ABRAXAS1: variants seen among roughly 807,000 people sequenced by gnomAD.
The protein encoded by ABRAXAS1 is abraxas 1, BRCA1 A complex subunit.
A neutral mutation model predicts 38.4 loss-of-function variants in ABRAXAS1; 26 were observed. The observed-to-expected ratio is 0.68, with a 90% confidence interval of 0.50 to 0.94. The LOEUF (loss-of-function observed/expected upper bound fraction) is 0.94. ABRAXAS1 is among the 40% of genes least tolerant of loss of function. The probability of loss-of-function intolerance (pLI) is 0.00; values close to 1 mark genes in which losing one functional copy is unlikely to be tolerated. For synonymous variants in ABRAXAS1, 144 were observed against 165.5 expected, an observed-to-expected ratio of 0.87 and a Z score of 1.00; for missense variants, 438 against 481.9, an observed-to-expected ratio of 0.91 and a Z score of 0.85.
Position 83,479,677 on chromosome 4 carries a change from G to A in ABRAXAS1, c.178+2477C>T, listed in dbSNP as rs373218462. 15 of 152,348 alleles carry A rather than the reference G, an allele frequency of 9.8e-5. 1 individual carries two copies. The highest frequency in any genetic ancestry group is 8.5e-4 in the Admixed American group (13 of 15,290). 9.4% of individuals were successfully genotyped at this position (152,348 alleles called of 1,614,324 possible). A position where few individuals can be genotyped will look rare whatever the true frequency, so the allele number is the denominator to read the frequency against. On this transcript the variant is annotated intron_variant, in intron 2 of 8. Coordinates refer to ENST00000321945, the MANE Select transcript of ABRAXAS1 (RefSeq NM_139076.3). ...ACAGGATATATGCAGCCAGCAGAAA[G>A]AATGATGGGCCGAGTATGGTGGCTC...
intron 8 of ABRAXAS1, 74 bp downstream of exon 8, chr4:83,463,420 G>T: frequency 9.0e-7 from 1 of 1,106,310 alleles, no homozygotes; most frequent in African/African-American, 1.6e-5. Context: ...GCGACAGAGC[G>T]AGACTCCGTC....
chr4:83,463,780 G>T, intron 7 of ABRAXAS1, 172 bp from the exon 8 acceptor site: 1 of 406,780 alleles, frequency 2.5e-6, no homozygotes, highest in Non-Finnish European at 4.3e-6. Context: ...GCACTTGTAG[G>T]TTATAAATAA....
At chr4:83,472,381 A>G in intron 3 of ABRAXAS1, 93 bp from the exon 4 acceptor site, 1 of 679,628 alleles carries the variant, frequency 1.5e-6, no homozygotes, top group Non-Finnish European at 2.3e-6. Flanking sequence ...TAACCCAACT[A>G]CCAAAGCCCA....
At chr4:83,484,880 G>A (rs1723126162) in intron 1 of ABRAXAS1, 106 bp downstream of exon 1, 9 of 918,614 alleles carry the variant, frequency 9.8e-6, no homozygotes, top group Non-Finnish European at 1.4e-5. Flanking sequence ...GAGGAGGCGC[G>A]GCGGCGTCGG....
Position 83,461,425 on chromosome 4 carries a change from A to G in ABRAXAS1, c.*1044T>C, listed in dbSNP as rs770052837. 3 of 487,702 alleles carry G rather than the reference A, an allele frequency of 6.2e-6. No individual in the cohort carries two copies. The highest frequency in any genetic ancestry group is 1.1e-5 in the Non-Finnish European group (3 of 267,440). The allele number at this position is 487,702 out of a possible 1,614,324, so 30.2% of individuals were successfully genotyped here. On this transcript the variant is annotated 3_prime_UTR_variant, in exon 9 of 9. Transcript: ENST00000321945. ...GTGGTTCTGTGTGATTGTCATTTAT[A>G]TCTGATCCCCAAATAGCTCATACAA...
intron 2 of ABRAXAS1, chr4:83,480,329 G>A (rs1722950002): frequency 2.5e-6 from 1 of 400,274 alleles, no homozygotes. Flanking sequence ...CCGAGATCAT[G>A]CCACTTCACT....
rs745494968 is a variant in ABRAXAS1, at chr4:83,485,010, C to T, written c.63G>A (p.Gln21=). ...CCGTGTCCGAGTCCGTGTTGAGGTGCTGGAAAGCGAGTGCGCCGAGCACAA... is the reference window on the plus strand; with the variant it reads ...CCGTGTCCGAGTCCGTGTTGAGGTGTTGGAAAGCGAGTGCGCCGAGCACAA... ...SGFVLGALAF[Q]HLNTDSDTEG... The change falls in exon 1 of 9, where the codon CAG becomes CAA. Residue 21 remains glutamine (Q), a synonymous_variant. Transcript: ENST00000321945. 1.3e-4 allele frequency: 208 copies of T among 1,594,950 alleles called. 2 individuals carry two copies. Among genetic ancestry groups the T allele is most frequent in the Admixed American group, 7.7e-4 (45 of 58,672 alleles).
intron 3 of ABRAXAS1, among the ~76,000 whole-genome samples, chr4:83,475,017 G>A (rs149135403): frequency 8.5e-5 from 13 of 152,142 alleles, no homozygotes; most frequent in African/African-American, 1.2e-4. Context: ...TTTCCACCCC[G>A]CTTTAATCCT....
chr4:83,477,312 G>A (rs1318192848), intron 2 of ABRAXAS1, among the ~76,000 whole-genome samples: 1 of 151,946 alleles, frequency 6.6e-6, no homozygotes, highest in Non-Finnish European at 1.5e-5. Context: ...GAAAAAAAAT[G>A]CTCTAAGGGC....
At chr4:83,474,712 CAAAA>C (rs34119977) in intron 3 of ABRAXAS1, among the ~76,000 whole-genome samples, 2 of 100,618 alleles carry the variant, frequency 2.0e-5, no homozygotes, top group Admixed American at 1.1e-4. Context: ...GACTCTGTCT[CAAAA>C]AAAAAAAAAA....
chr4:83,475,921 G>A (rs912102314), intron 3 of ABRAXAS1, among the ~76,000 whole-genome samples: 5 of 152,240 alleles, frequency 3.3e-5, no homozygotes, highest in African/African-American at 9.6e-5. Flanking sequence ...AACATAACCA[G>A]TTGAGTGCAA....
intron 2 of ABRAXAS1, chr4:83,480,266 G>A (rs917938081): frequency 4.3e-5 from 14 of 328,010 alleles, no homozygotes; most frequent in East Asian, 3.5e-4. Context: ...CAGCTACTCC[G>A]GAGGCCGAGG....
chr4:83,465,250 C>G (rs2110035464), intron 7 of ABRAXAS1, among the ~76,000 whole-genome samples: 1 of 128,820 alleles, frequency 7.8e-6, no homozygotes, highest in East Asian at 2.6e-4. Flanking sequence ...GAGCCAAGAT[C>G]ATGCCATTCA....
chr4:83,462,983 A>C, intron 8 of ABRAXAS1, 81 bp from the exon 9 acceptor site: 1 of 967,732 alleles, frequency 1.0e-6, no homozygotes, highest in Non-Finnish European at 1.5e-6. Context: ...AAGTAAAATT[A>C]AGTCAAAAAG....
In ABRAXAS1 at chr4:83,476,660, T is replaced by C. The variant is rs1466488893; in HGVS notation, c.198A>G (p.Pro66=). 1 of 1,568,738 alleles carries C rather than the reference T, an allele frequency of 6.4e-7. No individual in the cohort carries two copies. The highest frequency in any genetic ancestry group is 1.7e-5 in the Admixed American group (1 of 59,820). ...VYTIDIQKYI[P]CYQLFSFYNS... ...CTACTTACCTAAAAAGCTGATAGCA[T>C]GGAATATATTTCTGAATGTCTGGAA... The change falls in exon 3 of 9, where the codon CCA becomes CCG. Residue 66 remains proline, a synonymous_variant. Transcript: ENST00000321945.
Position 83,463,520 on chromosome 4 carries a change from C to A in ABRAXAS1, c.770G>T (p.Arg257Met), listed in dbSNP as rs750850603. Residue 257 changes from arginine to methionine, a missense_variant, in exon 8 of 9, where the codon AGG (arginine) becomes ATG (methionine). Physicochemically the swap from Arg to Met is moderately conservative, Grantham distance 91 (BLOSUM62 -1). Around this residue, in one of 3 missense-constraint regions of ABRAXAS1, gnomAD observed 184 missense variants for 181.9 expected, o/e 1.01. Coordinates refer to ENST00000321945, the MANE Select transcript of ABRAXAS1 (RefSeq NM_139076.3). Reference protein sequence around the residue: ...VNRLKREIEKRRGAQIQAARE... With the variant: ...VNRLKREIEKMRGAQIQAARE... ...TGCTGCCTGAATCTGTGCTCCTCTC[C>A]TTTTCTCAATTTCTCGTTTTAATCT... The A allele has an allele frequency of 2.5e-6, 4 of 1,610,370 alleles. No homozygotes were observed. Among genetic ancestry groups the A allele is most frequent in the Non-Finnish European group, 3.4e-6 (4 of 1,178,852 alleles).
At chr4:83,472,721 T>C (rs1722628271) in intron 3 of ABRAXAS1, among the ~76,000 whole-genome samples, 1 of 152,220 alleles carries the variant, frequency 6.6e-6, no homozygotes, top group African/African-American at 2.4e-5. Flanking sequence ...CACTGCTAGT[T>C]ACAAAAGCTA....
intron 3 of ABRAXAS1, among the ~76,000 whole-genome samples, chr4:83,475,757 T>C (rs1238787608): frequency 7.0e-6 from 1 of 143,424 alleles, no homozygotes; most frequent in Non-Finnish European, 1.5e-5. Flanking sequence ...GTTTGCTTTA[T>C]GAAAATTCAT....
chr4:83,463,298 T>G (rs1361715902), intron 8 of ABRAXAS1, among the ~76,000 whole-genome samples, 196 bp downstream of exon 8: 2 of 152,110 alleles, frequency 1.3e-5, no homozygotes, highest in Non-Finnish European at 2.9e-5. Flanking sequence ...CCAGGCATGG[T>G]GGCAGGCACC....
Sources: allele counts gnomAD v4.1 joint callset (sites outside exome capture counted in the v4.1 genomes callset), GRCh38; gene constraint gnomAD v4.1.1; regional missense constraint gnomAD v4.1.1; transcripts MANE v1.5; gene names NCBI Gene and HGNC (gene_info 2026-07-23, HGNC 2026-07-21).